The following ZNF438 variants were observed in gnomAD, a reference collection of about 807,000 sequenced individuals.
ZNF438 encodes the protein zinc finger protein 438.
Under a neutral mutation model 38.0 loss-of-function variants are expected in ZNF438, and 25 were observed. The ratio of observed to expected loss-of-function variants is 0.66; its 90% CI spans 0.48 to 0.92. The LOEUF is 0.92. Among genes scored for constraint, ZNF438 ranks in the 40% least tolerant of loss-of-function variants. The pLI is 0.00. For synonymous variants in ZNF438, 372 were observed against 364.1 expected (o/e 1.02, Z -0.25); for missense variants, 1,007 against 999.6 (o/e 1.01, Z -0.10).
intron 5 of ZNF438, among the ~76,000 whole-genome samples, chr10:30,845,899 C>T (rs1029386491): frequency 1.3e-5 from 2 of 152,184 alleles, no homozygotes; most frequent in South Asian, 2.1e-4. Flanking sequence ...CGTAAGAGCG[C>T]GTGAAGGGCA....
intron 1 of ZNF438, among the ~76,000 whole-genome samples, chr10:31,004,801 T>A (rs1344372579): frequency 6.6e-6 from 1 of 151,822 alleles, no homozygotes; most frequent in Non-Finnish European, 1.5e-5. Flanking sequence ...TAAGTAGAAA[T>A]GTGGGGGAGG....
intron 4 of ZNF438, among the ~76,000 whole-genome samples, chr10:30,874,419 G>T (rs1246429066): frequency 1.3e-5 from 2 of 151,734 alleles, no homozygotes; most frequent in Admixed American, 1.3e-4. Flanking sequence ...CAAAGTGCTG[G>T]GATTACAGGT....
intron 1 of ZNF438, chr10:30,999,549 C>G (rs1008281003): frequency 6.6e-6 from 1 of 152,360 alleles, no homozygotes; most frequent in African/African-American, 2.4e-5. Flanking sequence ...TCCCTTGTCT[C>G]CACACTGAGT....
intron 3 of ZNF438, among the ~76,000 whole-genome samples, chr10:30,896,623 C>T (rs1013729859): frequency 1.3e-5 from 2 of 151,934 alleles, no homozygotes; most frequent in East Asian, 3.9e-4. Flanking sequence ...AGATAGACAG[C>T]AGAATAGTGG....
chr10:30,862,770 A>G (rs1278588040), intron 4 of ZNF438, among the ~76,000 whole-genome samples: 1 of 152,248 alleles, frequency 6.6e-6, no homozygotes, highest in Non-Finnish European at 1.5e-5. Flanking sequence ...CACATGCAAA[A>G]GGCTGGAAGT....
intron 4 of ZNF438, among the ~76,000 whole-genome samples, chr10:30,869,141 G>A (rs1409905835): frequency 1.3e-5 from 2 of 152,198 alleles, no homozygotes; most frequent in African/African-American, 2.4e-5. Context: ...GGGAGGCCAA[G>A]GCAGGCAGAT....
At chr10:30,845,043 T>C (rs756545581) in exon 6 of ZNF438, 9 of 1,614,096 alleles carry the variant, frequency 5.6e-6, no homozygotes, top group Admixed American at 1.7e-5. Flanking sequence ...GGAAGGGTCC[T>C]CACAGTTATG....
In ZNF438 at chr10:30,850,137, C is replaced by T. The variant is rs758169490; in HGVS notation, c.268G>A (p.Gly90Arg). 1.2e-6 allele frequency: 2 copies of T among 1,614,056 alleles called. No individual in the cohort carries two copies. The highest frequency in any genetic ancestry group is 3.3e-5 in the Admixed American group (2 of 60,018). The stretch of plus-strand genomic sequence containing the variant: ...GGCAGAGCAACAAGAGAAAATGTCC[C>T]CTCCTGGCCAGCAACCTGCATCAGG... The change falls in exon 5 of 6, where the codon GGG becomes AGG. Residue 90 changes from glycine (G) to arginine (R), a missense_variant. Gly to Arg is a moderately radical substitution (Grantham distance 125, BLOSUM62 -2). Coordinates refer to ENST00000413025, the Ensembl canonical transcript of ZNF438.
At position 30,900,687 on chromosome 10, in the gene ZNF438, C is replaced by T. The variant is rs7088916; in HGVS notation, c.-32+8246G>A. Among the ~76,000 whole-genome samples the T allele has an allele frequency of 3.8e-3, 586 of 152,252 alleles. 6 individuals carry two copies. Among genetic ancestry groups the T allele is most frequent in the African/African-American group, 0.013 (543 of 41,530 alleles). ...CTCACCCAGCTAGTAAAATGTGGAG[C>T]TGAGGTTTGAAGACACGTACTGGGT... On this transcript the variant is annotated intron_variant, in intron 3 of 5. Coordinates refer to ENST00000413025, the Ensembl canonical transcript of ZNF438.
chr10:31,018,325 G>A (rs1425671545), intron 1 of ZNF438, among the ~76,000 whole-genome samples: 1 of 152,166 alleles, frequency 6.6e-6, no homozygotes, highest in Admixed American at 6.5e-5. Context: ...ATTGCAAACT[G>A]GCTAATCGTT....
At chr10:30,930,199 G>C (rs2045485433) in intron 2 of ZNF438, among the ~76,000 whole-genome samples, 1 of 152,114 alleles carries the variant, frequency 6.6e-6, no homozygotes, top group Non-Finnish European at 1.5e-5. Context: ...ATGGTGGGTT[G>C]CAGGTCCCGA....
intron 5 of ZNF438, among the ~76,000 whole-genome samples, chr10:30,848,122 A>G (rs1017104675): frequency 1.9e-4 from 29 of 152,230 alleles, no homozygotes; most frequent in African/African-American, 5.8e-4. Context: ...TGGGAAAAAC[A>G]GGGCAAATGA....
chr10:31,029,773 C>T (rs2057166351), intron 1 of ZNF438, among the ~76,000 whole-genome samples: 1 of 152,258 alleles, frequency 6.6e-6, no homozygotes, highest in Non-Finnish European at 1.5e-5. Flanking sequence ...CTACAAGGGA[C>T]CCCACGGCCT....
intron 1 of ZNF438, among the ~76,000 whole-genome samples, chr10:30,946,939 C>A (rs1225690375): frequency 6.6e-6 from 1 of 152,152 alleles, no homozygotes; most frequent in African/African-American, 2.4e-5. Flanking sequence ...TAACCTGCCA[C>A]AACATAACTT....
At chr10:30,909,736 C>T (rs1331525626) in intron 2 of ZNF438, among the ~76,000 whole-genome samples, 2 of 152,150 alleles carry the variant, frequency 1.3e-5, no homozygotes, top group African/African-American at 4.8e-5. Context: ...ACTATATGAT[C>T]TAATTAAATC....
At chr10:31,004,744 A>T (rs1001720053) in intron 1 of ZNF438, among the ~76,000 whole-genome samples, 1 of 152,214 alleles carries the variant, frequency 6.6e-6, no homozygotes, top group Non-Finnish European at 1.5e-5. Context: ...TTTGAATCAA[A>T]GCATCTAGGC....
intron 1 of ZNF438, among the ~76,000 whole-genome samples, chr10:30,992,887 A>G (rs1197507434): frequency 6.6e-6 from 1 of 152,260 alleles, no homozygotes; most frequent in African/African-American, 2.4e-5. Flanking sequence ...GGCTATGTCC[A>G]TGCCCTAGGG....
At chr10:30,970,650 A>G (rs2050641879) in intron 1 of ZNF438, among the ~76,000 whole-genome samples, 1 of 152,150 alleles carries the variant, frequency 6.6e-6, no homozygotes, top group Non-Finnish European at 1.5e-5. Flanking sequence ...AACCTACCCA[A>G]TACCCCTTTC....
At chr10:30,905,287 T>C (rs2042461413) in intron 3 of ZNF438, among the ~76,000 whole-genome samples, 1 of 152,246 alleles carries the variant, frequency 6.6e-6, no homozygotes, top group Admixed American at 6.5e-5. Flanking sequence ...TACTTGTTTT[T>C]GTCCATATTT....
Sources: gnomAD v4.1 joint callset for allele counts (sites outside exome capture counted in the v4.1 genomes callset) on GRCh38, gnomAD v4.1.1 for gene constraint, MANE v1.5 for transcripts, NCBI Gene and HGNC (gene_info 2026-07-23, HGNC 2026-07-21) for gene names.